ELOVL6: variants seen among roughly 807,000 people sequenced by gnomAD.
ELOVL6 encodes the protein very long chain fatty acid elongase 6.
Under a neutral mutation model 31.7 loss-of-function variants are expected in ELOVL6, and 8 were observed. The observed-to-expected ratio is 0.25, with a 90% CI of 0.15 to 0.45. The LOEUF (loss-of-function observed/expected upper bound fraction) is 0.45. ELOVL6 is among the 20% of genes least tolerant of loss of function. The probability of loss-of-function intolerance (pLI) is 1.00; values close to 1 mark genes in which losing one functional copy is unlikely to be tolerated. For synonymous variants in ELOVL6, 101 were observed against 117.7 expected, an observed-to-expected ratio of 0.86 and a Z score of 0.92; for missense variants, 126 against 326.4, an observed-to-expected ratio of 0.39 and a Z score of 4.73.
At chr4:110,075,940 T>C (rs1435015444) in intron 2 of ELOVL6, among the ~76,000 whole-genome samples, 2 of 152,236 alleles carry the variant, frequency 1.3e-5, no homozygotes. Context: ...CATGTGCTTT[T>C]GATGAAAATG....
At chr4:110,106,504 C>A (rs1014823712) in intron 1 of ELOVL6, among the ~76,000 whole-genome samples, 27 of 152,056 alleles carry the variant, frequency 1.8e-4, no homozygotes, top group Non-Finnish European at 3.4e-4. Flanking sequence ...CCTTTTTAGA[C>A]TGTATACTGT....
intron 2 of ELOVL6, among the ~76,000 whole-genome samples, chr4:110,103,224 G>A (rs1327298228): frequency 6.6e-6 from 1 of 151,978 alleles, no homozygotes; most frequent in Non-Finnish European, 1.5e-5. Context: ...ACTAATACAG[G>A]CTCTTTGGAG....
intron 1 of ELOVL6, among the ~76,000 whole-genome samples, chr4:110,187,444 T>C (rs1420553966): frequency 7.4e-6 from 1 of 135,446 alleles, no homozygotes; most frequent in Non-Finnish European, 1.6e-5. Flanking sequence ...CTCAGCAAAA[T>C]GAAAAAAAAA....
intron 1 of ELOVL6, among the ~76,000 whole-genome samples, chr4:110,196,392 C>T (rs527459459): frequency 3.2e-4 from 48 of 152,240 alleles, no homozygotes; most frequent in African/African-American, 1.1e-3. Context: ...TAGCCAGCAG[C>T]GCGGTTCCGG....
At chr4:110,183,223 C>A (rs1363480216) in intron 1 of ELOVL6, among the ~76,000 whole-genome samples, 1 of 152,130 alleles carries the variant, frequency 6.6e-6, no homozygotes, top group Non-Finnish European at 1.5e-5. Flanking sequence ...AGAACCACAA[C>A]CCCTTATCTT....
At chr4:110,064,125 A>T (rs1248216545) in intron 2 of ELOVL6, among the ~76,000 whole-genome samples, 1 of 152,066 alleles carries the variant, frequency 6.6e-6, no homozygotes, top group Admixed American at 6.6e-5. Flanking sequence ...AATATACCAT[A>T]CATATCATTT....
chr4:110,125,561 C>T (rs1214493675), intron 1 of ELOVL6, among the ~76,000 whole-genome samples: 2 of 151,946 alleles, frequency 1.3e-5, no homozygotes, highest in Non-Finnish European at 2.9e-5. Flanking sequence ...TGGCTCATGC[C>T]TGTAATCCCA....
intron 3 of ELOVL6, among the ~76,000 whole-genome samples, chr4:110,057,841 ACT>A (rs1303452854): frequency 6.9e-6 from 1 of 143,900 alleles, no homozygotes. Flanking sequence ...ACAGAGTAAG[ACT>A]CTGTCTCAGG....
At chr4:110,117,575 T>C (rs1446676278) in intron 1 of ELOVL6, among the ~76,000 whole-genome samples, 1 of 152,010 alleles carries the variant, frequency 6.6e-6, no homozygotes, top group African/African-American at 2.4e-5. Flanking sequence ...TCCTGAAGGC[T>C]GGTAGATTGA....
intron 3 of ELOVL6, among the ~76,000 whole-genome samples, chr4:110,054,466 T>A (rs765149065): frequency 6.6e-6 from 1 of 152,182 alleles, no homozygotes; most frequent in Non-Finnish European, 1.5e-5. Flanking sequence ...GTAAAGAAGG[T>A]AGATGTCCAA....
chr4:110,087,846 A>G (rs1351656976), intron 2 of ELOVL6, among the ~76,000 whole-genome samples: 3 of 151,016 alleles, frequency 2.0e-5, no homozygotes, highest in African/African-American at 4.9e-5. Flanking sequence ...GGTTTTCAGC[A>G]CAAAATACTT....
At chr4:110,075,404 G>A (rs1178557581) in intron 2 of ELOVL6, among the ~76,000 whole-genome samples, 3 of 151,974 alleles carry the variant, frequency 2.0e-5, no homozygotes, top group Non-Finnish European at 4.4e-5. Flanking sequence ...AAAAAAATGT[G>A]GTATATATAC....
Position 110,198,451 on chromosome 4 carries a change from C to T in ELOVL6, c.-116G>A. The T allele has an allele frequency of 1.5e-6, 1 of 654,956 alleles. No homozygotes were observed. The highest frequency in any genetic ancestry group is 2.7e-6 in the Non-Finnish European group (1 of 370,436). The allele number at this position is 654,956 out of a possible 1,614,324, so 40.6% of individuals were successfully genotyped here. ...CCCCCACCCACCCCCCTAGGTCTTC[C>T]CCACGCCGCTCGGTCTCCAGCGGTC... On this transcript the variant is annotated 5_prime_UTR_variant, in exon 1 of 4. Coordinates refer to ENST00000302274, the MANE Select transcript of ELOVL6 (RefSeq NM_024090.3).
At chr4:110,059,360 G>T (rs1755078028) in intron 3 of ELOVL6, among the ~76,000 whole-genome samples, 1 of 152,142 alleles carries the variant, frequency 6.6e-6, no homozygotes, top group Non-Finnish European at 1.5e-5. Flanking sequence ...TTTTAGTAGA[G>T]CTCGAAAATC....
At chr4:110,053,078 C>T (rs1438226669) in intron 3 of ELOVL6, among the ~76,000 whole-genome samples, 1 of 152,180 alleles carries the variant, frequency 6.6e-6, no homozygotes, top group Non-Finnish European at 1.5e-5. Context: ...AGACTGCAGG[C>T]ATGTGCCACC....
intron 1 of ELOVL6, among the ~76,000 whole-genome samples, chr4:110,156,263 C>G (rs1224163245): frequency 6.6e-6 from 1 of 152,102 alleles, no homozygotes; most frequent in African/African-American, 2.4e-5. Context: ...GATTAGGTAA[C>G]AAGTGACCTA....
chr4:110,081,037 G>A (rs992922602), intron 2 of ELOVL6, among the ~76,000 whole-genome samples: 16 of 152,090 alleles, frequency 1.1e-4, no homozygotes, highest in African/African-American at 3.9e-4. Flanking sequence ...ACTTACAAGG[G>A]ATGTGAAGGA....
At position 110,084,492 on chromosome 4, in the gene ELOVL6, A is replaced by G. The variant is rs1464926292; in HGVS notation, c.221+21005T>C. 2.8e-4 allele frequency among the ~76,000 whole-genome samples: 12 copies of G among 42,982 alleles called. 2 individuals carry two copies. The South Asian group carries it at 8.4e-3, about 30-fold the overall frequency. 28.2% of individuals were successfully genotyped at this position (42,982 alleles called of 152,430 possible). A position where few individuals can be genotyped will look rare whatever the true frequency, so the allele number is the denominator to read the frequency against. ...TATAACAATATACACTATAATGTATACACATATATATCATATATGTGTATA... is the reference window on the plus strand; with the variant it reads ...TATAACAATATACACTATAATGTATGCACATATATATCATATATGTGTATA... On this transcript the variant is annotated intron_variant, in intron 2 of 3. Transcript: ENST00000302274.
chr4:110,092,763 A>ATT (rs879647814), intron 2 of ELOVL6, among the ~76,000 whole-genome samples: 1 of 152,078 alleles, frequency 6.6e-6, no homozygotes, highest in Non-Finnish European at 1.5e-5. Context: ...AGTCTGAAGA[A>ATT]TTTTTTAAGG....
Sources: gnomAD v4.1 joint callset for allele counts (sites outside exome capture counted in the v4.1 genomes callset) on GRCh38, gnomAD v4.1.1 for gene constraint, MANE v1.5 for transcripts, NCBI Gene and HGNC (gene_info 2026-07-23, HGNC 2026-07-21) for gene names.